Variants in BABAM2 observed in about 807,000 individuals in gnomAD.
The protein encoded by BABAM2 is BRISC and BRCA1 A complex member 2.
BABAM2 carries 31 observed loss-of-function variants against 54.7 expected under a neutral mutation model. The observed-to-expected ratio is 0.57, with a 90% confidence interval of 0.43 to 0.77. The LOEUF (loss-of-function observed/expected upper bound fraction) is 0.77. Ranked by LOEUF, BABAM2 falls within the 30% of genes least tolerant of loss-of-function variation. BABAM2 has a pLI of 0.00. For synonymous variants in BABAM2, 167 were observed against 162.9 expected (o/e 1.03, Z -0.19); for missense variants, 364 against 455.8 (o/e 0.80, Z 1.83).
chr2:28,195,872 C>T (rs548715532), intron 7 of BABAM2, among the ~76,000 whole-genome samples: 13 of 152,282 alleles, frequency 8.5e-5, no homozygotes, highest in Admixed American at 1.3e-4. Context: ...AATATTAGTT[C>T]AAACAAACCA....
intron 5 of BABAM2, among the ~76,000 whole-genome samples, chr2:28,027,772 G>A (rs1159663952): frequency 3.3e-5 from 5 of 152,116 alleles, no homozygotes; most frequent in Non-Finnish European, 2.9e-5. Context: ...GTAAGCATTC[G>A]TGTGTAAGTA....
intron 7 of BABAM2, among the ~76,000 whole-genome samples, chr2:28,235,980 G>T (rs768278906): frequency 6.6e-6 from 1 of 152,082 alleles, no homozygotes; most frequent in African/African-American, 2.4e-5. Context: ...CTTTAGAAAT[G>T]ATTTTCTAGG....
chr2:28,265,585 T>C (rs1384704721), intron 10 of BABAM2, among the ~76,000 whole-genome samples: 1 of 152,144 alleles, frequency 6.6e-6, no homozygotes, highest in African/African-American at 2.4e-5. Flanking sequence ...GAGGTAGGGC[T>C]TGACCAGAAT....
At chr2:28,237,333 T>A in intron 8 of BABAM2, 32 bp downstream of exon 8, 1 of 1,573,982 alleles carries the variant, frequency 6.4e-7, no homozygotes, top group Middle Eastern at 1.7e-4. Context: ...ATCCCTCTTA[T>A]GAGATTTCTT....
chr2:28,021,450 T>A (rs1032089882), intron 4 of BABAM2, among the ~76,000 whole-genome samples: 1 of 152,170 alleles, frequency 6.6e-6, no homozygotes, highest in Non-Finnish European at 1.5e-5. Flanking sequence ...AGACTTAATA[T>A]TGTTCTTTAC....
At chr2:27,976,988 T>G (rs1671655467) in intron 3 of BABAM2, among the ~76,000 whole-genome samples, 1 of 152,156 alleles carries the variant, frequency 6.6e-6, no homozygotes, top group Non-Finnish European at 1.5e-5. Context: ...CAGATTTTGT[T>G]TGAGAGCCTA....
intron 7 of BABAM2, among the ~76,000 whole-genome samples, chr2:28,196,325 T>A (rs867443575): frequency 0.075 from 7,996 of 106,856 alleles, 1,406 homozygotes; most frequent in Middle Eastern, 0.15. Flanking sequence ...AGACTCCATA[T>A]AAAAAAAAAA....
intron 11 of BABAM2, among the ~76,000 whole-genome samples, chr2:28,317,780 G>A (rs1689687380): frequency 6.6e-6 from 1 of 152,190 alleles, no homozygotes; most frequent in Non-Finnish European, 1.5e-5. Flanking sequence ...ATTGTTCACA[G>A]ACAAGTGCCA....
chr2:28,027,532 C>T (rs2148573277), intron 5 of BABAM2, among the ~76,000 whole-genome samples: 1 of 152,300 alleles, frequency 6.6e-6, no homozygotes, highest in African/African-American at 2.4e-5. Context: ...ATTTTCTTTT[C>T]TGAACATTTC....
At chr2:28,124,782 C>T (rs891272182) in intron 6 of BABAM2, among the ~76,000 whole-genome samples, 1 of 152,024 alleles carries the variant, frequency 6.6e-6, no homozygotes, top group African/African-American at 2.4e-5. Context: ...ATCATGCCAC[C>T]TAAAAATATA....
chr2:27,910,458 A>G (rs1443058224), intron 2 of BABAM2, among the ~76,000 whole-genome samples: 3 of 152,204 alleles, frequency 2.0e-5, no homozygotes, highest in African/African-American at 4.8e-5. Flanking sequence ...ACACTGAATC[A>G]TAAGTAAGTA....
intron 7 of BABAM2, among the ~76,000 whole-genome samples, chr2:28,210,249 G>C (rs188911040): frequency 7.2e-5 from 11 of 152,284 alleles, no homozygotes; most frequent in Admixed American, 7.2e-4. Flanking sequence ...CCTATTATGT[G>C]CCTGGGATGG....
intron 3 of BABAM2, among the ~76,000 whole-genome samples, chr2:27,934,746 G>A (rs1052244716): frequency 6.6e-6 from 1 of 152,188 alleles, no homozygotes; most frequent in Middle Eastern, 3.2e-3. Context: ...ATATGGAGAA[G>A]GTTTTGTTTG....
At chr2:28,024,448 A>G (rs1401002721) in intron 4 of BABAM2, among the ~76,000 whole-genome samples, 1 of 152,176 alleles carries the variant, frequency 6.6e-6, no homozygotes, top group Admixed American at 6.5e-5. Flanking sequence ...AAAACTATGA[A>G]TTTTATAAAG....
At chr2:28,139,302 CAA>C (rs1394230278) in intron 7 of BABAM2, among the ~76,000 whole-genome samples, 2 of 76,002 alleles carry the variant, frequency 2.6e-5, no homozygotes, top group Non-Finnish European at 4.7e-5. Context: ...GCCTGGGCGA[CAA>C]GAGTGAAACT....
rs796534991 is a variant in BABAM2 at position 27,958,495 on chromosome 2, G to GTA, written c.205+28596_205+28597dup. Among the ~76,000 whole-genome samples the GTA allele has an allele frequency of 8.7e-5, 13 of 148,830 alleles. No individual in the cohort carries two copies. The South Asian group carries it at 1.7e-3, about 19-fold the overall frequency. Reference sequence around the variant, plus strand: ...TATATACATATAAATGTTTATAAATGTATATATATAACATATATACATATA... The same window carrying GTA: ...TATATACATATAAATGTTTATAAATGTATATATATATAACATATATACATATA... On this transcript the variant is annotated intron_variant, in intron 3 of 11. Coordinates refer to ENST00000379624, the MANE Select transcript of BABAM2 (RefSeq NM_199191.3).
At chr2:28,147,945 T>C (rs1671659792) in intron 7 of BABAM2, among the ~76,000 whole-genome samples, 1 of 152,082 alleles carries the variant, frequency 6.6e-6, no homozygotes, top group Non-Finnish European at 1.5e-5. Context: ...CTCCCTACAT[T>C]TCATACACCC....
At chr2:28,135,508 C>T (rs986921819) in intron 7 of BABAM2, among the ~76,000 whole-genome samples, 1 of 152,102 alleles carries the variant, frequency 6.6e-6, no homozygotes, top group African/African-American at 2.4e-5. Context: ...GGATGACACC[C>T]AGATCCCCAT....
chr2:28,119,025 A>G (rs1403987748), intron 6 of BABAM2, among the ~76,000 whole-genome samples: 1 of 152,118 alleles, frequency 6.6e-6, no homozygotes, highest in African/African-American at 2.4e-5. Flanking sequence ...CGAAGATCAG[A>G]TGGTTGTAGA....
Sources: allele counts gnomAD v4.1 joint callset (sites outside exome capture counted in the v4.1 genomes callset), GRCh38; gene constraint gnomAD v4.1.1; transcripts MANE v1.5; gene names NCBI Gene and HGNC (gene_info 2026-07-23, HGNC 2026-07-21).